OSBPL6: variants seen among roughly 807,000 people sequenced by gnomAD.
OSBPL6 encodes oxysterol binding protein like 6, also known as oxysterol-binding protein-related protein 6.
A neutral mutation model predicts 125.8 loss-of-function variants in OSBPL6; 49 were observed. That is an observed-to-expected ratio of 0.39 (90% CI 0.31 to 0.49). OSBPL6 has a LOEUF of 0.49. OSBPL6 is among the 20% of genes least tolerant of loss of function. The probability of loss-of-function intolerance (pLI) is 0.88; values close to 1 mark genes in which losing one functional copy is unlikely to be tolerated. For synonymous variants in OSBPL6, 394 were observed against 391.8 expected, an observed-to-expected ratio of 1.01 and a Z score of -0.07; for missense variants, 986 against 1,135.4, an observed-to-expected ratio of 0.87 and a Z score of 1.89.
chr2:178,388,625 G>A (rs1695145202), intron 20 of OSBPL6, among the ~76,000 whole-genome samples: 1 of 152,112 alleles, frequency 6.6e-6, no homozygotes, highest in South Asian at 2.1e-4. Context: ...CCTCTTCTAA[G>A]GTGTCTTCCT....
chr2:178,384,882 A>AG (rs1694797584), intron 18 of OSBPL6, among the ~76,000 whole-genome samples: 1 of 152,166 alleles, frequency 6.6e-6, no homozygotes, highest in African/African-American at 2.4e-5. Flanking sequence ...CTTTTTAAAA[A>AG]AAAAAAAAAA....
chr2:178,389,212 A>G, intron 21 of OSBPL6, 59 bp downstream of exon 21: 5 of 1,520,544 alleles, frequency 3.3e-6, no homozygotes, highest in Non-Finnish European at 4.5e-6. Context: ...TTAAAGAAGA[A>G]ATAGAATAAT....
At chr2:178,359,414 G>A (rs1048019185) in intron 12 of OSBPL6, among the ~76,000 whole-genome samples, 3 of 152,180 alleles carry the variant, frequency 2.0e-5, no homozygotes, top group Non-Finnish European at 4.4e-5. Flanking sequence ...GTCGGCAAGG[G>A]TGTGGAGAAA....
At chr2:178,370,392 A>C (rs34468616) in intron 13 of OSBPL6, among the ~76,000 whole-genome samples, 1 of 152,110 alleles carries the variant, frequency 6.6e-6, no homozygotes, top group Non-Finnish European at 1.5e-5. Context: ...TAAGGCAACT[A>C]TGCATTTACT....
intron 1 of OSBPL6, among the ~76,000 whole-genome samples, chr2:178,216,778 T>C (rs2090111525): frequency 6.6e-6 from 1 of 152,196 alleles, no homozygotes; most frequent in African/African-American, 2.4e-5. Flanking sequence ...CAGGAATGCA[T>C]GGCCTGAGTC....
intron 1 of OSBPL6, among the ~76,000 whole-genome samples, chr2:178,227,330 T>G (rs1250603061): frequency 6.6e-6 from 1 of 152,202 alleles, no homozygotes; most frequent in African/African-American, 2.4e-5. Flanking sequence ...CAAATATGGA[T>G]CCACAGGATC....
intron 11 of OSBPL6, among the ~76,000 whole-genome samples, chr2:178,346,714 A>G (rs1289301824): frequency 5.3e-5 from 8 of 152,210 alleles, no homozygotes; most frequent in African/African-American, 1.7e-4. Flanking sequence ...TTTGAATCCT[A>G]TAATACCCAA....
chr2:178,254,795 T>G (rs2091826371), intron 1 of OSBPL6, among the ~76,000 whole-genome samples: 1 of 152,238 alleles, frequency 6.6e-6, no homozygotes, highest in African/African-American at 2.4e-5. Flanking sequence ...GGCCTGTTGT[T>G]TTATACTGCT....
At chr2:178,265,640 C>T (rs139025052) in intron 1 of OSBPL6, among the ~76,000 whole-genome samples, 1 of 152,202 alleles carries the variant, frequency 6.6e-6, no homozygotes, top group Non-Finnish European at 1.5e-5. Flanking sequence ...TATCACAGCT[C>T]TTGGAAGCAT....
intron 18 of OSBPL6, among the ~76,000 whole-genome samples, 183 bp from the exon 19 acceptor site, chr2:178,385,275 G>A (rs758221301): frequency 6.6e-6 from 1 of 151,834 alleles, no homozygotes; most frequent in Non-Finnish European, 1.5e-5. Flanking sequence ...AAGGAAGGAA[G>A]GACGAATTCA....
intron 12 of OSBPL6, among the ~76,000 whole-genome samples, chr2:178,359,137 T>C (rs898969592): frequency 2.0e-5 from 3 of 152,158 alleles, no homozygotes; most frequent in Admixed American, 6.5e-5. Flanking sequence ...GATCACGCCA[T>C]TGCACTCCAC....
At position 178,226,297 on chromosome 2, in the gene OSBPL6, T is replaced by C. The variant is rs934104499; in HGVS notation, c.-351+31623T>C. The stretch of plus-strand genomic sequence containing the variant: ...TGCTGGGTGGTGCAGTCACCTTCCA[T>C]GCTGGTAGCACAGTGGGCAAAGGAT... On this transcript the variant is annotated intron_variant, in intron 1 of 24. Transcript: ENST00000190611. 5.7e-5 allele frequency among the ~76,000 whole-genome samples: 8 copies of C among 140,296 alleles called. No individual in the cohort carries two copies. The East Asian group carries it at 1.5e-3, about 27-fold the overall frequency. 92.0% of individuals were successfully genotyped at this position (140,296 alleles called of 152,430 possible).
intron 2 of OSBPL6, among the ~76,000 whole-genome samples, chr2:178,290,002 G>A (rs926416751): frequency 6.6e-5 from 10 of 152,178 alleles, no homozygotes; most frequent in African/African-American, 9.6e-5. Flanking sequence ...TCATTGGACC[G>A]TGTTTCGGGG....
chr2:178,357,494 C>T (rs1480379074), intron 12 of OSBPL6, among the ~76,000 whole-genome samples: 1 of 152,212 alleles, frequency 6.6e-6, no homozygotes, highest in Non-Finnish European at 1.5e-5. Flanking sequence ...TGCTCATCAT[C>T]ACTGGTGATC....
At chr2:178,312,830 A>C (rs533774829) in intron 3 of OSBPL6, among the ~76,000 whole-genome samples, 1 of 152,178 alleles carries the variant, frequency 6.6e-6, no homozygotes, top group Admixed American at 6.5e-5. Flanking sequence ...TAATAAGGTC[A>C]CTCAGTTTGT....
rs529622875 is a variant in OSBPL6 at position 178,205,553 on chromosome 2, A to G, written c.-351+10879A>G. 1.3e-4 allele frequency among the ~76,000 whole-genome samples: 20 copies of G among 152,342 alleles called. 4 individuals are homozygous for G. The South Asian group carries it at 3.5e-3, about 27-fold the overall frequency. The stretch of plus-strand genomic sequence containing the variant: ...AAAAGAAAATAAGCAAAGATTTCCT[A>G]AACAGGACATAAAGAGTGCTCATGA... On this transcript the variant is annotated intron_variant, in intron 1 of 24. Transcript: ENST00000190611.
chr2:178,282,826 T>C (rs1473543854), intron 1 of OSBPL6, among the ~76,000 whole-genome samples: 1 of 152,158 alleles, frequency 6.6e-6, no homozygotes, highest in Non-Finnish European at 1.5e-5. Context: ...TAATTTTTTG[T>C]ATTTTTAGTA....
chr2:178,277,077 G>C (rs1335822518), intron 1 of OSBPL6, among the ~76,000 whole-genome samples: 1 of 152,174 alleles, frequency 6.6e-6, no homozygotes, highest in Non-Finnish European at 1.5e-5. Context: ...AATATTCACT[G>C]ATCTGGACCT....
At chr2:178,379,171 C>G (rs777522717) in intron 15 of OSBPL6, among the ~76,000 whole-genome samples, 62 of 130,614 alleles carry the variant, frequency 4.7e-4, no homozygotes, top group Admixed American at 7.6e-4. Context: ...GATCCTGTAT[C>G]AAAAAAGAAC....
Sources: gnomAD v4.1 joint callset for allele counts (sites outside exome capture counted in the v4.1 genomes callset) on GRCh38, gnomAD v4.1.1 for gene constraint, MANE v1.5 for transcripts, NCBI Gene and HGNC (gene_info 2026-07-23, HGNC 2026-07-21) for gene names.